SLC39A14: variants seen among roughly 807,000 people sequenced by gnomAD.
SLC39A14 encodes the protein metal cation symporter ZIP14.
Under a neutral mutation model 45.5 loss-of-function variants are expected in SLC39A14, and 19 were observed. The ratio of observed to expected loss-of-function variants is 0.42; its 90% CI spans 0.29 to 0.61. The LOEUF (loss-of-function observed/expected upper bound fraction) is 0.61. Among genes scored for constraint, SLC39A14 ranks in the 20% least tolerant of loss-of-function variants. The pLI, the probability that SLC39A14 is intolerant of heterozygous loss-of-function variation, is 0.22. For synonymous variants in SLC39A14, 264 were observed against 251.3 expected (o/e 1.05, Z -0.48); for missense variants, 447 against 616.5 (o/e 0.73, Z 2.91).
intron 1 of SLC39A14, among the ~76,000 whole-genome samples, chr8:22,384,034 C>T (rs1833652861): frequency 6.6e-6 from 1 of 152,158 alleles, no homozygotes; most frequent in Non-Finnish European, 1.5e-5. Context: ...TCCTCGGCCG[C>T]CCCCTAACAC....
chr8:22,405,593 C>T (rs1835165564), intron 2 of SLC39A14, among the ~76,000 whole-genome samples: 1 of 152,232 alleles, frequency 6.6e-6, no homozygotes, highest in Non-Finnish European at 1.5e-5. Flanking sequence ...ACTTGAGTCA[C>T]TCAGAAATAC....
At chr8:22,396,154 G>A (rs771859731) in intron 1 of SLC39A14, among the ~76,000 whole-genome samples, 7 of 151,848 alleles carry the variant, frequency 4.6e-5, no homozygotes, top group Non-Finnish European at 8.8e-5. Flanking sequence ...GTCACCTGAG[G>A]TCAGGAGTTT....
Position 22,415,807 on chromosome 8 carries a change from TC to T in SLC39A14, c.792del (p.Ser265ProfsTer9). On this transcript the variant is annotated frameshift_variant, in exon 6 of 9. Coordinates refer to ENST00000381237, the MANE Select transcript of SLC39A14 (RefSeq NM_001128431.4). LOFTEE classifies it high-confidence loss of function. ...GHSHYASESL[P>X]SKKDQEEGVM... ...ACAGCCATTATGCCTCTGAGTCGCT[TC>T]CCTCCAAGAAGGACCAGGAGGAGGG... The T allele has an allele frequency of 6.2e-7, 1 of 1,612,796 alleles. No individual in the cohort carries two copies. Among genetic ancestry groups the T allele is most frequent in the Non-Finnish European group, 8.5e-7 (1 of 1,179,718 alleles).
At chr8:22,417,242 A>G (rs34110918) in intron 7 of SLC39A14, among the ~76,000 whole-genome samples, 2 of 152,308 alleles carry the variant, frequency 1.3e-5, no homozygotes, top group East Asian at 1.9e-4. Flanking sequence ...CTTCTGTTTC[A>G]CTATGAATCC....
chr8:22,424,038 G>T (rs1250934500), downstream of SLC39A14, among the ~76,000 whole-genome samples: 1 of 150,990 alleles, frequency 6.6e-6, no homozygotes, highest in Admixed American at 6.6e-5. Context: ...TTGAACTCTT[G>T]GCCTCCCAAA....
intron 1 of SLC39A14, among the ~76,000 whole-genome samples, chr8:22,381,040 C>T (rs1833480248): frequency 6.6e-6 from 1 of 151,618 alleles, no homozygotes; most frequent in Non-Finnish European, 1.5e-5. Context: ...GTGGCGCAAT[C>T]TTGGCTCACC....
chr8:22,421,813 A>G lies in SLC39A14; in HGVS notation c.*2115A>G. 2 of 984,558 alleles carry G rather than the reference A, an allele frequency of 2.0e-6. No homozygotes were observed. Among genetic ancestry groups the G allele is most frequent in the Non-Finnish European group, 2.4e-6 (2 of 829,136 alleles). 61.0% of individuals were successfully genotyped at this position (984,558 alleles called of 1,614,324 possible). A position where few individuals can be genotyped will look rare whatever the true frequency, so the allele number is the denominator to read the frequency against. Reference sequence around the variant, plus strand: ...AGTTAGTGGATTTCTAGTTTAGGAGAGGAGCTCAAAACTATAATCTTTAAC... The same window carrying G: ...AGTTAGTGGATTTCTAGTTTAGGAGGGGAGCTCAAAACTATAATCTTTAAC... On this transcript the variant is annotated 3_prime_UTR_variant, in exon 9 of 9. Coordinates refer to ENST00000381237, the MANE Select transcript of SLC39A14 (RefSeq NM_001128431.4).
Position 22,421,090 on chromosome 8 carries a change from T to A in SLC39A14, c.*1392T>A. 1 of 985,876 alleles carries A rather than the reference T, an allele frequency of 1.0e-6. No homozygotes were observed. Among genetic ancestry groups the A allele is most frequent in the Non-Finnish European group, 1.2e-6 (1 of 829,926 alleles). The allele number at this position is 985,876 out of a possible 1,614,324, so 61.1% of individuals were successfully genotyped here. A position where few individuals can be genotyped will look rare whatever the true frequency, so the allele number is the denominator to read the frequency against. On this transcript the variant is annotated 3_prime_UTR_variant, in exon 9 of 9. Coordinates refer to ENST00000381237, the MANE Select transcript of SLC39A14 (RefSeq NM_001128431.4). The stretch of plus-strand genomic sequence containing the variant: ...GTGAATTGATTTATTATTATCATAT[T>A]GATAATGTGAGATTCTTTAGCCACT...
At chr8:22,411,440 A>G (rs1340720716) in intron 3 of SLC39A14, among the ~76,000 whole-genome samples, 1 of 152,240 alleles carries the variant, frequency 6.6e-6, no homozygotes, top group Non-Finnish European at 1.5e-5. Flanking sequence ...GCATGAATTA[A>G]TCGTTCTCCA....
chr8:22,385,089 CA>C (rs1190214663), intron 1 of SLC39A14, among the ~76,000 whole-genome samples: 1 of 151,926 alleles, frequency 6.6e-6, no homozygotes, highest in Non-Finnish European at 1.5e-5. Context: ...AACAAACAAA[CA>C]AAAAAACTCC....
chr8:22,413,096 G>T lies in SLC39A14; in HGVS notation c.627+890G>T, dbSNP rs573199590. On this transcript the variant is annotated intron_variant, in intron 4 of 8. Coordinates refer to ENST00000381237, the MANE Select transcript of SLC39A14 (RefSeq NM_001128431.4). ...GCCTAATAAGTTCATGAGAAAACTT[G>T]CCACAAAAGAAGGAGCTGATGGTTC... 8.5e-5 allele frequency among the ~76,000 whole-genome samples: 13 copies of T among 152,296 alleles called. No individual in the cohort carries two copies. The South Asian group carries it at 2.5e-3, about 29-fold the overall frequency.
rs1478354009 is a variant in SLC39A14, at chr8:22,401,539, C to CTTTTTTTTTTTTTTTTTTTTTTTTTTTT, written c.-15-3154_-15-3153insTTTTTTTTTTTTTTTTTTTTTTTTTTTT. On this transcript the variant is annotated intron_variant, in intron 1 of 8. Transcript: ENST00000381237. ...CTTTCTGTCTTTCTCTTTCTCTTCTCTTTCTTTTTTTTTTTTTTTTTTTTT... is the reference window on the plus strand; with the variant it reads ...CTTTCTGTCTTTCTCTTTCTCTTCTCTTTTTTTTTTTTTTTTTTTTTTTTTTTTTTTCTTTTTTTTTTTTTTTTTTTTT... 1.7e-5 allele frequency among the ~76,000 whole-genome samples: 2 copies of CTTTTTTTTTTTTTTTTTTTTTTTTTTTT among 115,716 alleles called. 1 individual carries two copies. Among genetic ancestry groups the CTTTTTTTTTTTTTTTTTTTTTTTTTTTT allele is most frequent in the African/African-American group, 6.8e-5 (2 of 29,610 alleles). The allele number at this position is 115,716 out of a possible 152,430, so 75.9% of individuals were successfully genotyped here.
chr8:22,389,050 G>A (rs1453477024), intron 1 of SLC39A14, among the ~76,000 whole-genome samples: 2 of 152,186 alleles, frequency 1.3e-5, no homozygotes, highest in African/African-American at 4.8e-5. Context: ...GGAAGGGGCC[G>A]GCGCTGAGCA....
At chr8:22,424,919 C>G (rs1433602163), downstream of SLC39A14, among the ~76,000 whole-genome samples, 2 of 148,886 alleles carry the variant, frequency 1.3e-5, no homozygotes, top group East Asian at 4.1e-4. Context: ...ATCCCAGTTA[C>G]TCAAGAGGCT....
intron 3 of SLC39A14, among the ~76,000 whole-genome samples, chr8:22,411,231 G>T (rs2132338300): frequency 6.6e-6 from 1 of 152,338 alleles, no homozygotes; most frequent in South Asian, 2.1e-4. Flanking sequence ...GCCTGCCAGG[G>T]AGTGTCTCAT....
chr8:22,384,790 C>T (rs1304273358), intron 1 of SLC39A14, among the ~76,000 whole-genome samples: 1 of 147,626 alleles, frequency 6.8e-6, no homozygotes, highest in African/African-American at 2.5e-5. Flanking sequence ...TGGCTCATGC[C>T]TGTAATCCCA....
At chr8:22,431,009 A>C (rs1334467069) in intron 8 of SLC39A14, among the ~76,000 whole-genome samples, 1 of 129,730 alleles carries the variant, frequency 7.7e-6, no homozygotes, top group Non-Finnish European at 1.6e-5. Context: ...TTTTTTTTTG[A>C]TGGAGTCTCC....
At chr8:22,383,688 G>C (rs1833635459) in intron 1 of SLC39A14, among the ~76,000 whole-genome samples, 1 of 152,166 alleles carries the variant, frequency 6.6e-6, no homozygotes, top group Non-Finnish European at 1.5e-5. Context: ...AGATGACAAG[G>C]CTTTGAGCCC....
At chr8:22,371,414 C>CTTTTTTTTTTTTTTTTTTT (rs373230777) in intron 1 of SLC39A14, among the ~76,000 whole-genome samples, 1 of 120,052 alleles carries the variant, frequency 8.3e-6, no homozygotes, top group Non-Finnish European at 2.0e-5. Context: ...AAATACATGT[C>CTTTTTTTTTTTTTTTTTTT]TTTTTTTTTT....
Sources: gnomAD v4.1 joint callset for allele counts (sites outside exome capture counted in the v4.1 genomes callset) on GRCh38, gnomAD v4.1.1 for gene constraint, MANE v1.5 for transcripts, NCBI Gene and HGNC (gene_info 2026-07-23, HGNC 2026-07-21) for gene names.